Variants in FSTL5 observed in about 807,000 individuals in gnomAD.
FSTL5 encodes the protein follistatin like 5.
FSTL5 carries 62 observed loss-of-function variants against 89.1 expected under a neutral mutation model. The ratio of observed to expected loss-of-function variants is 0.70; its 90% CI spans 0.57 to 0.86. The LOEUF (loss-of-function observed/expected upper bound fraction) is 0.86. Ranked by LOEUF, FSTL5 falls within the 40% of genes least tolerant of loss-of-function variation. The probability of loss-of-function intolerance (pLI) is 0.00; values close to 1 mark genes in which losing one functional copy is unlikely to be tolerated. For synonymous variants in FSTL5, 383 were observed against 346.2 expected (o/e 1.11, Z -1.18); for missense variants, 1,057 against 1,001.6 (o/e 1.06, Z -0.75).
rs1738535111 is a variant in FSTL5, at chr4:161,705,449, T to C, written c.728-48955A>G. On this transcript the variant is annotated intron_variant, in intron 6 of 15. Coordinates refer to ENST00000306100, the MANE Select transcript of FSTL5 (RefSeq NM_020116.5). Reference sequence around the variant, plus strand: ...CTCTTAGGAAATCAGAGGAAAAATATGTCCTTAGTGCTTTCTAAGAAATAT... The same window carrying C: ...CTCTTAGGAAATCAGAGGAAAAATACGTCCTTAGTGCTTTCTAAGAAATAT... 2.0e-5 allele frequency among the ~76,000 whole-genome samples: 3 copies of C among 152,136 alleles called. No individual in the cohort carries two copies. The South Asian group carries it at 6.2e-4, about 31-fold the overall frequency.
intron 4 of FSTL5, among the ~76,000 whole-genome samples, chr4:161,852,209 A>T (rs1731577185): frequency 1.3e-5 from 2 of 152,032 alleles, no homozygotes; most frequent in Non-Finnish European, 2.9e-5. Flanking sequence ...ATTTGAAATC[A>T]TACATTTAAG....
At chr4:162,062,264 C>A (rs939118860) in intron 2 of FSTL5, among the ~76,000 whole-genome samples, 2 of 151,778 alleles carry the variant, frequency 1.3e-5, no homozygotes, top group African/African-American at 2.4e-5. Context: ...GGATAGATTT[C>A]TAAATAGCAG....
chr4:162,119,588 C>T (rs1357292717), intron 1 of FSTL5, among the ~76,000 whole-genome samples: 2 of 152,138 alleles, frequency 1.3e-5, no homozygotes, highest in African/African-American at 2.4e-5. Context: ...AATGTATAGG[C>T]ATAATATTAA....
chr4:161,784,953 A>G (rs933696279), intron 4 of FSTL5, among the ~76,000 whole-genome samples: 1 of 151,976 alleles, frequency 6.6e-6, no homozygotes, highest in East Asian at 1.9e-4. Context: ...CTATGAAATC[A>G]TAGGTATCTA....
At chr4:161,527,580 C>G (rs1177089963) in intron 10 of FSTL5, among the ~76,000 whole-genome samples, 1 of 152,034 alleles carries the variant, frequency 6.6e-6, no homozygotes, top group East Asian at 1.9e-4. Flanking sequence ...AAATGCAAAT[C>G]AAAACCACAA....
chr4:161,623,269 G>C (rs1327910773), intron 7 of FSTL5, among the ~76,000 whole-genome samples: 1 of 151,838 alleles, frequency 6.6e-6, no homozygotes, highest in Non-Finnish European at 1.5e-5. Context: ...GATTTTCCAG[G>C]TGGTACAATA....
At chr4:162,081,664 C>G (rs993741421) in intron 2 of FSTL5, among the ~76,000 whole-genome samples, 1 of 151,388 alleles carries the variant, frequency 6.6e-6, no homozygotes, top group African/African-American at 2.4e-5. Flanking sequence ...TTTAACAACA[C>G]CTTAGAGTTA....
intron 4 of FSTL5, among the ~76,000 whole-genome samples, chr4:161,819,184 ATAAC>A (rs1280297301): frequency 3.3e-5 from 5 of 152,248 alleles, no homozygotes; most frequent in Admixed American, 2.0e-4. Context: ...TTATCTAATA[ATAAC>A]TAAGTTGAAA....
intron 1 of FSTL5, among the ~76,000 whole-genome samples, chr4:162,153,250 T>C (rs186189580): frequency 6.0e-4 from 92 of 152,190 alleles, no homozygotes; most frequent in African/African-American, 2.1e-3. Flanking sequence ...ACATACCCTT[T>C]TTAGAATGAT....
At chr4:162,068,454 G>C (rs758143006) in intron 2 of FSTL5, among the ~76,000 whole-genome samples, 1 of 152,082 alleles carries the variant, frequency 6.6e-6, no homozygotes, top group Non-Finnish European at 1.5e-5. Context: ...ATGGGGGAAT[G>C]GCTTCCTATT....
intron 2 of FSTL5, among the ~76,000 whole-genome samples, chr4:162,052,938 T>C (rs1256418820): frequency 3.3e-5 from 5 of 151,820 alleles, no homozygotes; most frequent in Middle Eastern, 3.4e-3. Context: ...TTTATAATAA[T>C]ACTAATGAAA....
intron 4 of FSTL5, among the ~76,000 whole-genome samples, chr4:161,805,044 C>T (rs949913309): frequency 1.3e-5 from 2 of 152,032 alleles, no homozygotes; most frequent in Non-Finnish European, 2.9e-5. Context: ...ATGTCCTGTG[C>T]CTCAAAACTG....
Position 161,979,591 on chromosome 4 carries a change from G to A in FSTL5, c.160+54034C>T, listed in dbSNP as rs556124712. Among the ~76,000 whole-genome samples, 4 of 151,792 alleles carry A rather than the reference G, an allele frequency of 2.6e-5. No individual in the cohort carries two copies. The South Asian group carries it at 8.3e-4, about 32-fold the overall frequency. ...CCTCATTTTTATGAGTGATACTTGA[G>A]TTTATTCAATATCTTACACTATATT... On this transcript the variant is annotated intron_variant, in intron 3 of 15. Coordinates refer to ENST00000306100, the MANE Select transcript of FSTL5 (RefSeq NM_020116.5).
intron 15 of FSTL5, among the ~76,000 whole-genome samples, chr4:161,434,795 A>T (rs1732496124): frequency 6.6e-6 from 1 of 152,148 alleles, no homozygotes; most frequent in South Asian, 2.1e-4. Context: ...TCAAAAGAAG[A>T]CATACAAATG....
At chr4:161,621,103 T>G (rs1179302257) in intron 7 of FSTL5, among the ~76,000 whole-genome samples, 3 of 152,174 alleles carry the variant, frequency 2.0e-5, no homozygotes, top group Non-Finnish European at 4.4e-5. Flanking sequence ...ACATGGGACA[T>G]TCACAAGATG....
intron 6 of FSTL5, among the ~76,000 whole-genome samples, chr4:161,730,971 A>G (rs1043139146): frequency 2.0e-5 from 3 of 152,248 alleles, no homozygotes; most frequent in Non-Finnish European, 4.4e-5. Flanking sequence ...ATGCAAAGGC[A>G]ATAAATATAA....
intron 7 of FSTL5, among the ~76,000 whole-genome samples, chr4:161,597,409 C>G (rs1347090030): frequency 7.1e-6 from 1 of 140,782 alleles, no homozygotes; most frequent in Non-Finnish European, 1.5e-5. Context: ...TGTTCTCACT[C>G]GTAGGTGGGA....
At chr4:161,468,736 T>C (rs1733833356) in intron 13 of FSTL5, among the ~76,000 whole-genome samples, 1 of 152,160 alleles carries the variant, frequency 6.6e-6, no homozygotes, top group Admixed American at 6.5e-5. Context: ...CATATTCTTC[T>C]TAAATTTTAC....
At chr4:161,431,034 G>A (rs1237549724) in intron 15 of FSTL5, among the ~76,000 whole-genome samples, 1 of 152,096 alleles carries the variant, frequency 6.6e-6, no homozygotes, top group African/African-American at 2.4e-5. Flanking sequence ...ATCAACATCA[G>A]ACCTGCCCTA....
Sources: gnomAD v4.1 joint callset for allele counts (sites outside exome capture counted in the v4.1 genomes callset) on GRCh38, gnomAD v4.1.1 for gene constraint, MANE v1.5 for transcripts, NCBI Gene and HGNC (gene_info 2026-07-23, HGNC 2026-07-21) for gene names.